ADIPOR1: variants seen among roughly 807,000 people sequenced by gnomAD.
ADIPOR1 encodes adiponectin receptor 1, also known as adiponectin receptor protein 1.
A neutral mutation model predicts 37.5 loss-of-function variants in ADIPOR1; 15 were observed. That is an observed-to-expected ratio of 0.40 (90% CI 0.27 to 0.62). The LOEUF (loss-of-function observed/expected upper bound fraction) is 0.62, where lower values mean the gene tolerates loss of function less well. ADIPOR1 is among the 20% of genes least tolerant of loss of function. The pLI is 0.42. For synonymous variants in ADIPOR1, 173 were observed against 173.2 expected (o/e 1.00, Z 0.01); for missense variants, 286 against 478.0 (o/e 0.60, Z 3.75).
intron 1 of ADIPOR1, among the ~76,000 whole-genome samples, chr1:202,955,509 TGACA>T (rs528358853): frequency 6.6e-5 from 10 of 151,546 alleles, no homozygotes; most frequent in Non-Finnish European, 1.3e-4. Context: ...TTTTGAGCCC[TGACA>T]GACAGGCAAA....
At chr1:202,944,907 A>G in intron 5 of ADIPOR1, 76 bp downstream of exon 5, 1 of 1,404,748 alleles carries the variant, frequency 7.1e-7, no homozygotes, top group Admixed American at 2.2e-5. Flanking sequence ...ATGAGCTCCT[A>G]TCACCCAGTA....
chr1:202,949,396 C>T (rs979799445), intron 2 of ADIPOR1, among the ~76,000 whole-genome samples: 2 of 151,106 alleles, frequency 1.3e-5, no homozygotes, highest in African/African-American at 4.9e-5. Flanking sequence ...CTGGCTAACA[C>T]GGTGAAACCC....
chr1:202,951,000 G>C lies in ADIPOR1; in HGVS notation c.71C>G (p.Thr24Arg), dbSNP rs369139073. 1 of 1,614,128 alleles carries C rather than the reference G, an allele frequency of 6.2e-7. No homozygotes were observed. The highest frequency in any genetic ancestry group is 8.5e-7 in the Non-Finnish European group (1 of 1,180,032). ...GGGTCCCAGTTCAGCCAGTTCCACC[G>C]TGTCAGCTTCCCTGTTACTGGCAGG... ...GAPASNREADTVELAELGPLL... is the reference protein window; with the variant it reads ...GAPASNREADRVELAELGPLL... Residue 24 changes from threonine to arginine, a missense_variant, in exon 2 of 8, where the codon ACG (threonine) becomes AGG (arginine). Transcript: ENST00000340990.
At chr1:202,946,291 GT>G in intron 4 of ADIPOR1, 147 bp downstream of exon 4, 4 of 924,240 alleles carry the variant, frequency 4.3e-6, no homozygotes, top group Non-Finnish European at 6.4e-6. Context: ...GTGATCAAGG[GT>G]CAACCAAGGT....
intron 6 of ADIPOR1, among the ~76,000 whole-genome samples, chr1:202,942,846 A>T (rs1483097750): frequency 6.8e-6 from 1 of 148,050 alleles, no homozygotes; most frequent in Non-Finnish European, 1.5e-5. Flanking sequence ...AATTATTATT[A>T]TTTTTTTCTT....
chr1:202,941,758 A>C, intron 7 of ADIPOR1, 57 bp from the exon 8 acceptor site: 2 of 1,562,422 alleles, frequency 1.3e-6, no homozygotes, highest in Non-Finnish European at 1.7e-6. Flanking sequence ...ATAAGAAACA[A>C]GTAGGAGAAA....
At chr1:202,950,160 A>G (rs1358734152) in intron 2 of ADIPOR1, among the ~76,000 whole-genome samples, 1 of 151,926 alleles carries the variant, frequency 6.6e-6, no homozygotes, top group Non-Finnish European at 1.5e-5. Context: ...AGGGGGCTTC[A>G]CTATGTTGGC....
intron 5 of ADIPOR1, 39 bp downstream of exon 5, chr1:202,944,944 C>T (rs1054225180): frequency 6.4e-7 from 1 of 1,558,272 alleles, no homozygotes; most frequent in Non-Finnish European, 8.7e-7. Context: ...GATGTGACAA[C>T]AGTGCACAGT....
intron 3 of ADIPOR1, among the ~76,000 whole-genome samples, chr1:202,947,179 T>C (rs1415521047): frequency 6.6e-6 from 1 of 152,088 alleles, no homozygotes; most frequent in African/African-American, 2.4e-5. Context: ...TTCATGTTAG[T>C]TTATCTGGAG....
chr1:202,941,276 G>C lies in ADIPOR1; in HGVS notation c.*297C>G, dbSNP rs913124906. On this transcript the variant is annotated 3_prime_UTR_variant, in exon 8 of 8. Transcript: ENST00000340990. ...CCATAATTTTCCCAAAATGGTTGGA[G>C]GAGAGGGTAAAATCTCAACATGAGT... 1 of 218,676 alleles carries C rather than the reference G, an allele frequency of 4.6e-6. No individual in the cohort carries two copies. The highest frequency in any genetic ancestry group is 2.3e-5 in the African/African-American group (1 of 43,900). The allele number at this position is 218,676 out of a possible 1,614,324, so 13.5% of individuals were successfully genotyped here. A position where few individuals can be genotyped will look rare whatever the true frequency, so the allele number is the denominator to read the frequency against.
intron 1 of ADIPOR1, among the ~76,000 whole-genome samples, chr1:202,953,760 G>A (rs2102494007): frequency 6.6e-6 from 1 of 152,330 alleles, no homozygotes. Context: ...GATAACATAG[G>A]TAGTTTGTGA....
At chr1:202,945,578 C>T (rs971627255) in intron 4 of ADIPOR1, among the ~76,000 whole-genome samples, 2 of 152,142 alleles carry the variant, frequency 1.3e-5, no homozygotes, top group Non-Finnish European at 2.9e-5. Context: ...TATTGTAGCA[C>T]AATTCACAAC....
At chr1:202,945,759 A>G (rs1654282772) in intron 4 of ADIPOR1, among the ~76,000 whole-genome samples, 1 of 152,236 alleles carries the variant, frequency 6.6e-6, no homozygotes. Context: ...GTAACTTAGG[A>G]ATGAAAAATC....
intron 2 of ADIPOR1, among the ~76,000 whole-genome samples, chr1:202,949,176 T>C (rs1396862038): frequency 1.3e-5 from 2 of 152,094 alleles, no homozygotes; most frequent in Non-Finnish European, 2.9e-5. Context: ...TCACTGACTC[T>C]AGGGATGCTG....
rs1654328781 is a variant in ADIPOR1, at chr1:202,946,568, G to A, written c.301C>T (p.Pro101Ser). ...TAGTCGTTGTCCTTTAGCCAGTCAG[G>A]GAGCACATCATATGGGATGACCCTC... ...RWRVIPYDVL[P>S]DWLKDNDYLL... The change falls in exon 4 of 8, where the codon CCT becomes TCT. Residue 101 changes from proline to serine, a missense_variant. Physicochemically the swap from Pro to Ser is moderately conservative, Grantham distance 74. Transcript: ENST00000340990. 6.2e-7 allele frequency: 1 copy of A among 1,613,906 alleles called. No homozygotes were observed. The highest frequency in any genetic ancestry group is 2.2e-5 in the East Asian group (1 of 44,882).
At chr1:202,952,917 G>A (rs914832565) in intron 1 of ADIPOR1, among the ~76,000 whole-genome samples, 5 of 152,206 alleles carry the variant, frequency 3.3e-5, no homozygotes, top group Non-Finnish European at 7.3e-5. Context: ...AAGCACAGTT[G>A]AAAGCAACCG....
Position 202,945,194 on chromosome 1 carries a change from A to G in ADIPOR1, c.431-25T>C, listed in dbSNP as rs758506210. The G allele has an allele frequency of 1.9e-6, 3 of 1,554,816 alleles. No homozygotes were observed. The South Asian group carries it at 3.6e-5, about 19-fold the overall frequency. The stretch of plus-strand genomic sequence containing the variant: ...CCTGCAGGAGGGTAAAATAAAAAAA[A>G]CCTGTAAGAAAAAAGGGAATGTGTA... On this transcript the variant is annotated intron_variant, in intron 4 of 7. Transcript: ENST00000340990.
chr1:202,957,629 C>A (rs1307244916), intron 1 of ADIPOR1, among the ~76,000 whole-genome samples: 1 of 152,148 alleles, frequency 6.6e-6, no homozygotes, highest in African/African-American at 2.4e-5. Flanking sequence ...TTCAGGATTA[C>A]CTTAACCCTG....
At position 202,941,494 on chromosome 1, in the gene ADIPOR1, C is replaced by G. The variant is rs1429212133; in HGVS notation, c.*79G>C. ...TTCTTCTAGAAACAGACAACTCAGA[C>G]TCTTCCTCTCACTTCAGCAAAGAAG... On this transcript the variant is annotated 3_prime_UTR_variant, in exon 8 of 8. Transcript: ENST00000340990. The G allele has an allele frequency of 6.6e-7, 1 of 1,513,822 alleles. No homozygotes were observed. Among genetic ancestry groups the G allele is most frequent in the Non-Finnish European group, 8.8e-7 (1 of 1,130,444 alleles). The allele number at this position is 1,513,822 out of a possible 1,614,324, so 93.8% of individuals were successfully genotyped here. A position where few individuals can be genotyped will look rare whatever the true frequency, so the allele number is the denominator to read the frequency against.
Sources: gnomAD v4.1 joint callset for allele counts (sites outside exome capture counted in the v4.1 genomes callset) on GRCh38, gnomAD v4.1.1 for gene constraint, MANE v1.5 for transcripts, NCBI Gene and HGNC (gene_info 2026-07-23, HGNC 2026-07-21) for gene names.